Variants in MTMR12 observed in about 807,000 individuals in gnomAD.
MTMR12 encodes myotubularin-related protein 12.
In MTMR12, 33 loss-of-function variants were observed where a neutral mutation model predicts 96.7. That is an observed-to-expected ratio of 0.34 (90% CI 0.26 to 0.46). MTMR12 has a LOEUF of 0.46. Among genes scored for constraint, MTMR12 ranks in the 20% least tolerant of loss-of-function variants. The probability of loss-of-function intolerance (pLI) is 1.00; values close to 1 mark genes in which losing one functional copy is unlikely to be tolerated. For synonymous variants in MTMR12, 298 were observed against 327.2 expected, an observed-to-expected ratio of 0.91 and a Z score of 0.96; for missense variants, 721 against 896.1, an observed-to-expected ratio of 0.80 and a Z score of 2.49.
At chr5:32,311,763 C>T (rs1751606551) in intron 1 of MTMR12, among the ~76,000 whole-genome samples, 1 of 152,200 alleles carries the variant, frequency 6.6e-6, no homozygotes, top group South Asian at 2.1e-4. Flanking sequence ...CTTGACGCTC[C>T]GCCAACCCTT....
intron 1 of MTMR12, among the ~76,000 whole-genome samples, chr5:32,306,619 T>C (rs1282629571): frequency 2.0e-5 from 3 of 152,188 alleles, no homozygotes; most frequent in Non-Finnish European, 4.4e-5. Flanking sequence ...TCTTCCCACA[T>C]GTAAATAAAA....
intron 2 of MTMR12, 144 bp from the exon 3 acceptor site, chr5:32,274,266 C>G: frequency 1.0e-6 from 1 of 965,296 alleles, no homozygotes; most frequent in East Asian, 2.6e-5. Flanking sequence ...TTCAGCATGG[C>G]AGGAGCTGCA....
At position 32,242,108 on chromosome 5, in the gene MTMR12, T is replaced by G; in HGVS notation, c.1120A>C (p.Ile374Leu). 1 of 1,613,010 alleles carries G rather than the reference T, an allele frequency of 6.2e-7. No homozygotes were observed. The highest frequency in any genetic ancestry group is 8.5e-7 in the Non-Finnish European group (1 of 1,179,262). The change falls in exon 12 of 16, where the codon ATA (isoleucine) becomes CTA (leucine). Residue 374 changes from isoleucine to leucine, a missense_variant. Coordinates refer to ENST00000382142, the MANE Select transcript of MTMR12 (RefSeq NM_001040446.3). Reference sequence around the variant, plus strand: ...GCTTCCATACATTCTGTAATCTCTATTGCTTTTTTCAGGCAACGTCTGAAT... The same window carrying G: ...GCTTCCATACATTCTGTAATCTCTAGTGCTTTTTTCAGGCAACGTCTGAAT... ...DIIRRCLKKA[I>L]EITECMEAQN...
chr5:32,282,802 T>C (rs942036191), intron 1 of MTMR12, among the ~76,000 whole-genome samples: 3 of 152,254 alleles, frequency 2.0e-5, no homozygotes, highest in Non-Finnish European at 2.9e-5. Context: ...CGGAGAGTAT[T>C]CACTGGCAAT....
At chr5:32,276,612 G>C in intron 2 of MTMR12, 70 bp downstream of exon 2, 1 of 1,321,740 alleles carries the variant, frequency 7.6e-7, no homozygotes, top group Non-Finnish European at 1.1e-6. Flanking sequence ...AATATAGCAA[G>C]GCTAGGGATG....
rs539108957 is a variant in MTMR12 at position 32,279,043 on chromosome 5, T to C, written c.82-2301A>G. On this transcript the variant is annotated intron_variant, in intron 1 of 15. Transcript: ENST00000382142. ...GTGAGCCGAGATTGTGCCTTTGCACTCCGGCCTGGGCAACAAGAGCGAAAC... is the reference window on the plus strand; with the variant it reads ...GTGAGCCGAGATTGTGCCTTTGCACCCCGGCCTGGGCAACAAGAGCGAAAC... Among the ~76,000 whole-genome samples, 35 of 124,828 alleles carry C rather than the reference T, an allele frequency of 2.8e-4. No individual in the cohort carries two copies. In the South Asian group the frequency reaches 8.8e-3, roughly 31 times the overall value. 81.9% of individuals were successfully genotyped at this position (124,828 alleles called of 152,430 possible).
At chr5:32,234,858 G>A (rs1037652533) in intron 14 of MTMR12, 104 bp downstream of exon 14, 122 of 1,125,672 alleles carry the variant, frequency 1.1e-4, no homozygotes, top group Non-Finnish European at 1.4e-4. Context: ...TTTAGTGTAT[G>A]TGCTGCCAAG....
intron 1 of MTMR12, 131 bp from the exon 2 acceptor site, chr5:32,276,873 CTTTTTTTTTTTTTT>C (rs779455702): frequency 0.011 from 1,306 of 123,762 alleles, 16 homozygotes; most frequent in Admixed American, 0.015. Flanking sequence ...TTACAAGCTA[CTTTTTTTTTTTTTT>C]TTTTTTTTTT....
chr5:32,262,473 C>T (rs558690781), intron 7 of MTMR12, among the ~76,000 whole-genome samples: 5 of 151,714 alleles, frequency 3.3e-5, no homozygotes, highest in Admixed American at 6.6e-5. Flanking sequence ...TGGTGGTGCA[C>T]GCCTGTGGTC....
chr5:32,286,781 C>T (rs1750555442), intron 1 of MTMR12, among the ~76,000 whole-genome samples: 1 of 152,170 alleles, frequency 6.6e-6, no homozygotes, highest in Non-Finnish European at 1.5e-5. Flanking sequence ...GTTTATCTGA[C>T]GAGGGTTGTA....
intron 1 of MTMR12, among the ~76,000 whole-genome samples, chr5:32,278,484 TG>T (rs1750146259): frequency 6.6e-6 from 1 of 152,158 alleles, no homozygotes; most frequent in East Asian, 1.9e-4. Flanking sequence ...CAGCCTATCT[TG>T]AGGCTGAAGA....
At chr5:32,246,239 T>C (rs1748684670) in intron 10 of MTMR12, among the ~76,000 whole-genome samples, 1 of 149,362 alleles carries the variant, frequency 6.7e-6, no homozygotes, top group Non-Finnish European at 1.5e-5. Flanking sequence ...TGATCTTGGC[T>C]CACAGCAACC....
intron 1 of MTMR12, among the ~76,000 whole-genome samples, chr5:32,287,726 T>C (rs1267748678): frequency 6.6e-6 from 1 of 152,156 alleles, no homozygotes; most frequent in Admixed American, 6.5e-5. Flanking sequence ...CCACTGATAA[T>C]GGAAGTAGAG....
chr5:32,309,900 C>T (rs1581655458), intron 1 of MTMR12: 1 of 152,320 alleles, frequency 6.6e-6, no homozygotes, highest in East Asian at 1.9e-4. Flanking sequence ...CCTTCATACG[C>T]TGTTGGTGGG....
At chr5:32,301,130 G>C (rs933081746) in intron 1 of MTMR12, among the ~76,000 whole-genome samples, 5 of 152,144 alleles carry the variant, frequency 3.3e-5, no homozygotes, top group African/African-American at 1.2e-4. Context: ...AACTAGGCAA[G>C]CTGGGGTGGG....
chr5:32,245,615 G>C (rs1328410843), intron 10 of MTMR12, among the ~76,000 whole-genome samples: 5 of 152,068 alleles, frequency 3.3e-5, no homozygotes, highest in Admixed American at 2.6e-4. Flanking sequence ...ATCACTTGAG[G>C]TAAGGAGTTC....
At chr5:32,286,213 C>T (rs1263233016) in intron 1 of MTMR12, among the ~76,000 whole-genome samples, 2 of 152,052 alleles carry the variant, frequency 1.3e-5, no homozygotes, top group Non-Finnish European at 2.9e-5. Flanking sequence ...GTGGCATGTA[C>T]CTGTAGTCCC....
chr5:32,259,348 T>C (rs769965551), intron 7 of MTMR12, among the ~76,000 whole-genome samples: 2 of 152,024 alleles, frequency 1.3e-5, no homozygotes, highest in Non-Finnish European at 2.9e-5. Context: ...GGAGAAAGGT[T>C]TGTTAGGAGG....
intron 3 of MTMR12, among the ~76,000 whole-genome samples, chr5:32,272,161 G>T (rs1478878956): frequency 6.6e-6 from 1 of 151,882 alleles, no homozygotes; most frequent in African/African-American, 2.4e-5. Context: ...CTTGGTGGTG[G>T]GCGCCTGTAG....
Sources: allele counts gnomAD v4.1 joint callset (sites outside exome capture counted in the v4.1 genomes callset), GRCh38; gene constraint gnomAD v4.1.1; transcripts MANE v1.5; gene names NCBI Gene and HGNC (gene_info 2026-07-23, HGNC 2026-07-21).